Variants in ZCCHC7 observed in about 807,000 individuals in gnomAD.
ZCCHC7 encodes zinc finger CCHC domain-containing protein 7.
ZCCHC7 carries 35 observed loss-of-function variants against 52.0 expected under a neutral mutation model. The observed-to-expected ratio is 0.67, with a 90% confidence interval of 0.51 to 0.89. ZCCHC7 has a LOEUF of 0.89. Among genes scored for constraint, ZCCHC7 ranks in the 40% least tolerant of loss-of-function variants. ZCCHC7 has a pLI of 0.00. For missense variants in ZCCHC7, 574 were observed against 649.1 expected (o/e 0.88, Z 1.26); for synonymous variants, 217 against 221.5 (o/e 0.98, Z 0.18).
At chr9:37,217,467 C>T (rs982127775) in intron 2 of ZCCHC7, among the ~76,000 whole-genome samples, 1 of 152,042 alleles carries the variant, frequency 6.6e-6, no homozygotes, top group Non-Finnish European at 1.5e-5. Flanking sequence ...CATGATAATA[C>T]AAAAATAAAA....
intron 7 of ZCCHC7, among the ~76,000 whole-genome samples, chr9:37,352,157 G>A (rs1821417831): frequency 6.6e-6 from 1 of 152,228 alleles, no homozygotes; most frequent in Admixed American, 6.5e-5. Flanking sequence ...ATATAGCTCT[G>A]TGTAGTCACA....
rs374843652 is a variant in ZCCHC7 at position 37,149,557 on chromosome 9, A to C, written c.610+22615A>C. On this transcript the variant is annotated intron_variant, in intron 2 of 8. Transcript: ENST00000336755. ...AGATGAGGAATTCCTAGGAATTACTATTCTTACTGGGGAAAAAGACTATTT... is the reference window on the plus strand; with the variant it reads ...AGATGAGGAATTCCTAGGAATTACTCTTCTTACTGGGGAAAAAGACTATTT... Among the ~76,000 whole-genome samples, 2 of 152,192 alleles carry C rather than the reference A, an allele frequency of 1.3e-5. 1 individual carries two copies. Among genetic ancestry groups the C allele is most frequent in the South Asian group, 4.1e-4 (2 of 4,830 alleles).
At chr9:37,128,631 C>T (rs960044339) in intron 2 of ZCCHC7, among the ~76,000 whole-genome samples, 8 of 152,164 alleles carry the variant, frequency 5.3e-5, no homozygotes, top group Non-Finnish European at 8.8e-5. Flanking sequence ...TAATGCGTTG[C>T]TCTAGGTACC....
intron 2 of ZCCHC7, among the ~76,000 whole-genome samples, chr9:37,232,960 A>G (rs1825476776): frequency 6.6e-6 from 1 of 152,232 alleles, no homozygotes; most frequent in South Asian, 2.1e-4. Context: ...ATTGACCAAT[A>G]TTAATTCACA....
chr9:37,247,215 C>T (rs549888009), intron 2 of ZCCHC7, among the ~76,000 whole-genome samples: 17 of 152,310 alleles, frequency 1.1e-4, no homozygotes, highest in African/African-American at 3.8e-4. Flanking sequence ...TAGCCTTTCA[C>T]ACCTCACTTC....
intron 6 of ZCCHC7, among the ~76,000 whole-genome samples, chr9:37,340,563 C>T (rs140606451): frequency 2.6e-5 from 4 of 152,262 alleles, no homozygotes; most frequent in African/African-American, 7.2e-5. Context: ...AGTACAGGCA[C>T]GTATGACAGA....
At chr9:37,279,765 A>T (rs1214641147) in intron 2 of ZCCHC7, among the ~76,000 whole-genome samples, 1 of 151,988 alleles carries the variant, frequency 6.6e-6, no homozygotes, top group Non-Finnish European at 1.5e-5. Flanking sequence ...GAACACTCCA[A>T]TTAAAAGGCT....
At chr9:37,207,457 C>G (rs1823977895) in intron 2 of ZCCHC7, among the ~76,000 whole-genome samples, 1 of 144,106 alleles carries the variant, frequency 6.9e-6, no homozygotes. Flanking sequence ...TTGTATTTTT[C>G]CTGGTTGGAG....
chr9:37,245,838 A>G (rs1295984345), intron 2 of ZCCHC7, among the ~76,000 whole-genome samples: 1 of 152,070 alleles, frequency 6.6e-6, no homozygotes, highest in African/African-American at 2.4e-5. Flanking sequence ...AATAGCAGGT[A>G]TATAGCCCTA....
chr9:37,329,764 G>C (rs1336874691), intron 6 of ZCCHC7, among the ~76,000 whole-genome samples: 1 of 151,786 alleles, frequency 6.6e-6, no homozygotes, highest in Non-Finnish European at 1.5e-5. Flanking sequence ...TCTTTTACTA[G>C]GCGATGGACT....
At chr9:37,187,433 C>T (rs1463199993) in intron 2 of ZCCHC7, among the ~76,000 whole-genome samples, 5 of 152,204 alleles carry the variant, frequency 3.3e-5, no homozygotes, top group African/African-American at 7.2e-5. Flanking sequence ...TGACAGGAGG[C>T]GGAGCTCAGG....
intron 3 of ZCCHC7, among the ~76,000 whole-genome samples, chr9:37,303,189 C>T (rs1285206707): frequency 1.3e-5 from 2 of 152,104 alleles, no homozygotes; most frequent in African/African-American, 4.8e-5. Context: ...CTTTGGGAGG[C>T]TGAGGTGGGT....
intron 5 of ZCCHC7, among the ~76,000 whole-genome samples, chr9:37,306,932 C>T (rs1049071236): frequency 2.0e-5 from 3 of 151,198 alleles, no homozygotes; most frequent in East Asian, 1.9e-4. Context: ...GGATTACAGG[C>T]GCCCACCACC....
chr9:37,131,122 C>T (rs145425761), intron 2 of ZCCHC7, among the ~76,000 whole-genome samples: 7,636 of 149,730 alleles, frequency 0.051, 615 homozygotes, highest in African/African-American at 0.18. Flanking sequence ...AGGTGGATCA[C>T]GAGGTCGGGA....
chr9:37,123,233 G>A (rs1393592071), intron 1 of ZCCHC7, among the ~76,000 whole-genome samples: 2 of 126,920 alleles, frequency 1.6e-5, no homozygotes, highest in Non-Finnish European at 3.7e-5. Flanking sequence ...GTGCGTGTGC[G>A]TGTGTGTGTA....
At chr9:37,156,493 A>G (rs985300197) in intron 2 of ZCCHC7, among the ~76,000 whole-genome samples, 1 of 152,236 alleles carries the variant, frequency 6.6e-6, no homozygotes, top group Non-Finnish European at 1.5e-5. Context: ...TAAATGTTTG[A>G]CTGGATTCTC....
intron 6 of ZCCHC7, among the ~76,000 whole-genome samples, chr9:37,346,788 C>T (rs1821002042): frequency 6.6e-6 from 1 of 152,126 alleles, no homozygotes; most frequent in East Asian, 1.9e-4. Flanking sequence ...CCAGTCTGGG[C>T]AACATAGTGA....
At chr9:37,286,363 G>A (rs1828206686) in intron 2 of ZCCHC7, among the ~76,000 whole-genome samples, 1 of 152,134 alleles carries the variant, frequency 6.6e-6, no homozygotes, top group Admixed American at 6.6e-5. Flanking sequence ...TGTTATGAGA[G>A]TTAAATTAGA....
chr9:37,193,215 A>T (rs1345636273), intron 2 of ZCCHC7, among the ~76,000 whole-genome samples: 5 of 152,104 alleles, frequency 3.3e-5, no homozygotes, highest in Non-Finnish European at 5.9e-5. Flanking sequence ...GCTGAAATTT[A>T]AAAAAAATCA....
Sources: gnomAD v4.1 joint callset for allele counts (sites outside exome capture counted in the v4.1 genomes callset) on GRCh38, gnomAD v4.1.1 for gene constraint, MANE v1.5 for transcripts, NCBI Gene and HGNC (gene_info 2026-07-23, HGNC 2026-07-21) for gene names.